GULP1: variants seen among roughly 807,000 people sequenced by gnomAD.
GULP1 encodes the protein PTB domain-containing engulfment adapter protein 1.
Under a neutral mutation model 40.9 loss-of-function variants are expected in GULP1, and 19 were observed. The ratio of observed to expected loss-of-function variants is 0.46; its 90% confidence interval spans 0.32 to 0.68. The LOEUF (loss-of-function observed/expected upper bound fraction) is 0.68. Ranked by LOEUF, GULP1 falls within the 30% of genes least tolerant of loss-of-function variation. The pLI is 0.03. For synonymous variants in GULP1, 119 were observed against 117.6 expected (o/e 1.01, Z -0.08); for missense variants, 312 against 362.2 (o/e 0.86, Z 1.12).
At chr2:188,540,478 T>C (rs1219853888) in intron 6 of GULP1, among the ~76,000 whole-genome samples, 1 of 151,764 alleles carries the variant, frequency 6.6e-6, no homozygotes, top group African/African-American at 2.4e-5. Context: ...ATGCTGCAAC[T>C]ATATCGATCT....
chr2:188,560,764 C>T (rs777153025), intron 7 of GULP1, among the ~76,000 whole-genome samples: 11 of 152,158 alleles, frequency 7.2e-5, no homozygotes, highest in Non-Finnish European at 1.5e-4. Flanking sequence ...GAAGGCAAAG[C>T]AGGTGCAGCC....
chr2:188,306,026 C>T lies in GULP1; in HGVS notation c.-172+13860C>T, dbSNP rs185063221. Among the ~76,000 whole-genome samples, 252 of 152,242 alleles carry T rather than the reference C, an allele frequency of 1.7e-3. 6 individuals are homozygous for T. The East Asian group carries it at 0.045, about 27-fold the overall frequency. ...TTCCTGACCTCAAGTGATCCGCCCT[C>T]CTCAGCCTCCCAAAGTGCTGGGATT... is the stretch of plus-strand genomic sequence containing the variant. On this transcript the variant is annotated intron_variant, in intron 1 of 11. Transcript: ENST00000409830.
At chr2:188,370,677 A>T (rs945978373) in intron 1 of GULP1, among the ~76,000 whole-genome samples, 2 of 152,240 alleles carry the variant, frequency 1.3e-5, no homozygotes, top group African/African-American at 2.4e-5. Flanking sequence ...TAAAGATTGC[A>T]TCTCACAGTG....
chr2:188,374,489 T>C (rs2048036931), intron 1 of GULP1, among the ~76,000 whole-genome samples: 1 of 152,160 alleles, frequency 6.6e-6, no homozygotes, highest in Admixed American at 6.6e-5. Context: ...CATAGCTTTG[T>C]TATCCACTGA....
intron 2 of GULP1, among the ~76,000 whole-genome samples, chr2:188,422,809 T>C (rs1013522845): frequency 2.6e-5 from 4 of 152,114 alleles, no homozygotes; most frequent in Admixed American, 6.6e-5. Flanking sequence ...GTTATAGATA[T>C]AATAAAACTC....
Position 188,404,315 on chromosome 2 carries a change from A to C in GULP1, c.-45+20426A>C, listed in dbSNP as rs141162398. The stretch of plus-strand genomic sequence containing the variant: ...GCATGCAAATACCTTCAGAAGAGCT[A>C]AGGAAACTGAGTGTAGCATAGAAAT... On this transcript the variant is annotated intron_variant, in intron 2 of 11. Coordinates refer to ENST00000409830, the MANE Select transcript of GULP1 (RefSeq NM_016315.4). 1.2e-3 allele frequency among the ~76,000 whole-genome samples: 179 copies of C among 152,312 alleles called. 1 individual carries two copies. The highest frequency in any genetic ancestry group is 4.0e-3 in the African/African-American group (168 of 41,574).
intron 6 of GULP1, among the ~76,000 whole-genome samples, chr2:188,534,402 A>T (rs550616764): frequency 1.3e-5 from 2 of 152,142 alleles, no homozygotes; most frequent in Non-Finnish European, 2.9e-5. Flanking sequence ...AAAACCATAT[A>T]CCATATATTC....
At chr2:188,408,237 A>G (rs2053392127) in intron 2 of GULP1, among the ~76,000 whole-genome samples, 1 of 152,192 alleles carries the variant, frequency 6.6e-6, no homozygotes, top group Admixed American at 6.5e-5. Flanking sequence ...GGCCCTCACC[A>G]GATGCCAGCA....
chr2:188,400,923 T>TTGTGTGTG lies in GULP1; in HGVS notation c.-45+17070_-45+17077dup, dbSNP rs61060931. ...CTGAAATTGGAAGAGAGTGGTGTGT[T>TTGTGTGTG]TGTGTGTGTGTGTGTGTGTGTGTGT... On this transcript the variant is annotated intron_variant, in intron 2 of 11. Transcript: ENST00000409830. Among the ~76,000 whole-genome samples the TTGTGTGTG allele has an allele frequency of 2.0e-3, 274 of 139,632 alleles. 2 individuals are homozygous for TTGTGTGTG. Among genetic ancestry groups the TTGTGTGTG allele is most frequent in the East Asian group, 0.015 (70 of 4,672 alleles). The allele number at this position is 139,632 out of a possible 152,430, so 91.6% of individuals were successfully genotyped here. A position where few individuals can be genotyped will look rare whatever the true frequency, so the allele number is the denominator to read the frequency against.
At chr2:188,546,749 C>A (rs1692071302) in intron 7 of GULP1, among the ~76,000 whole-genome samples, 1 of 151,802 alleles carries the variant, frequency 6.6e-6, no homozygotes, top group South Asian at 2.1e-4. Context: ...TACAGAAAAT[C>A]AATGAAGCAA....
chr2:188,302,526 A>G (rs1473270554), intron 1 of GULP1, among the ~76,000 whole-genome samples: 5 of 152,222 alleles, frequency 3.3e-5, no homozygotes, highest in Non-Finnish European at 4.4e-5. Flanking sequence ...CTATTTAAAT[A>G]TAGAAGATAA....
chr2:188,547,408 C>A (rs1692255604), intron 7 of GULP1, among the ~76,000 whole-genome samples: 1 of 152,044 alleles, frequency 6.6e-6, no homozygotes, highest in South Asian at 2.1e-4. Flanking sequence ...CACACAATCA[C>A]AAGGTCCCAC....
intron 11 of GULP1, chr2:188,592,438 T>C (rs1703751165): frequency 6.6e-6 from 1 of 152,148 alleles, no homozygotes; most frequent in South Asian, 2.1e-4. Flanking sequence ...AAGTATTTGC[T>C]GGCTGTTTGA....
intron 2 of GULP1, among the ~76,000 whole-genome samples, chr2:188,463,767 C>CT (rs1208297575): frequency 1.8e-4 from 27 of 151,958 alleles, no homozygotes; most frequent in African/African-American, 6.3e-4. Context: ...CTTTCCTCTG[C>CT]TTTATCAATT....
intron 1 of GULP1, among the ~76,000 whole-genome samples, chr2:188,318,078 T>G (rs112271755): frequency 3.4e-4 from 52 of 151,740 alleles, no homozygotes; most frequent in African/African-American, 1.2e-3. Context: ...AATAACTGAT[T>G]TCCTTCTAAT....
At chr2:188,331,674 A>T (rs1361631102) in intron 1 of GULP1, among the ~76,000 whole-genome samples, 1 of 152,184 alleles carries the variant, frequency 6.6e-6, no homozygotes, top group African/African-American at 2.4e-5. Flanking sequence ...CCATTTTGGT[A>T]TGTAATGACA....
At chr2:188,492,893 A>G (rs1053662513) in intron 4 of GULP1, among the ~76,000 whole-genome samples, 2 of 152,062 alleles carry the variant, frequency 1.3e-5, no homozygotes, top group South Asian at 2.1e-4. Flanking sequence ...ACAGTAATGC[A>G]TATCATACAT....
intron 4 of GULP1, among the ~76,000 whole-genome samples, chr2:188,505,048 A>T (rs1195616400): frequency 6.6e-6 from 1 of 151,478 alleles, no homozygotes. Context: ...GTAGTGGAAA[A>T]TTTTTTAATC....
intron 2 of GULP1, among the ~76,000 whole-genome samples, chr2:188,426,954 C>T (rs770432979): frequency 5.3e-5 from 8 of 152,070 alleles, no homozygotes; most frequent in Non-Finnish European, 1.0e-4. Context: ...GAAGTCCAGG[C>T]TGAGGAGGTC....
Sources: allele counts gnomAD v4.1 joint callset (sites outside exome capture counted in the v4.1 genomes callset), GRCh38; gene constraint gnomAD v4.1.1; transcripts MANE v1.5; gene names NCBI Gene and HGNC (gene_info 2026-07-23, HGNC 2026-07-21).